The following RCSD1 variants were observed in gnomAD, a reference collection of about 807,000 sequenced individuals.
RCSD1 encodes the protein capZ-interacting protein.
RCSD1 carries 26 observed loss-of-function variants against 42.5 expected under a neutral mutation model. The ratio of observed to expected loss-of-function variants is 0.61; its 90% CI spans 0.45 to 0.85. The LOEUF (loss-of-function observed/expected upper bound fraction) is 0.85. Ranked by LOEUF, RCSD1 falls within the 40% of genes least tolerant of loss-of-function variation. The probability of loss-of-function intolerance (pLI) is 0.00; values close to 1 mark genes in which losing one functional copy is unlikely to be tolerated. For synonymous variants in RCSD1, 220 were observed against 212.2 expected, an observed-to-expected ratio of 1.04 and a Z score of -0.32; for missense variants, 571 against 528.3, an observed-to-expected ratio of 1.08 and a Z score of -0.79.
chr1:167,655,114 G>A (rs59055287), intron 1 of RCSD1, among the ~76,000 whole-genome samples: 1 of 152,096 alleles, frequency 6.6e-6, no homozygotes, highest in Non-Finnish European at 1.5e-5. Flanking sequence ...CACCTCTCCC[G>A]AAGGAAATGA....
Position 167,695,538 on chromosome 1 carries a change from A to ATTTTTTT in RCSD1, c.474+1248_474+1254dup, listed in dbSNP as rs34867466. ...TTACAAAAATTTATTTTACACACTA[A>ATTTTTTT]TTTTTTTTTTTTTTTTTTGAGGCAA... is the stretch of plus-strand genomic sequence containing the variant. On this transcript the variant is annotated intron_variant, in intron 5 of 6. Coordinates refer to ENST00000367854, the MANE Select transcript of RCSD1 (RefSeq NM_052862.4). Among the ~76,000 whole-genome samples the ATTTTTTT allele has an allele frequency of 6.4e-4, 90 of 141,072 alleles. 1 individual carries two copies. In the Middle Eastern group the frequency reaches 0.011, roughly 17 times the overall value. 92.5% of individuals were successfully genotyped at this position (141,072 alleles called of 152,430 possible).
At chr1:167,686,931 G>A (rs960863370) in intron 3 of RCSD1, among the ~76,000 whole-genome samples, 2 of 152,196 alleles carry the variant, frequency 1.3e-5, no homozygotes, top group African/African-American at 4.8e-5. Context: ...TGAAATTGAG[G>A]ACAAAATCAC....
At chr1:167,688,210 T>C (rs1012472224) in intron 3 of RCSD1, among the ~76,000 whole-genome samples, 4 of 152,206 alleles carry the variant, frequency 2.6e-5, no homozygotes, top group Non-Finnish European at 5.9e-5. Flanking sequence ...CCCAGTACTA[T>C]ACTGTGTTTA....
rs996841073 is a variant in RCSD1, at chr1:167,697,172, A to C, written c.548A>C (p.Glu183Ala). 14 of 1,613,934 alleles carry C rather than the reference A, an allele frequency of 8.7e-6. No homozygotes were observed. Among genetic ancestry groups the C allele is most frequent in the East Asian group, 2.2e-5 (1 of 44,874 alleles). Residue 183 changes from glutamate to alanine, a missense_variant, in exon 6 of 7, where the codon GAA (glutamate) becomes GCA (alanine). Glu to Ala is a moderately radical substitution (Grantham distance 107). Coordinates refer to ENST00000367854, the MANE Select transcript of RCSD1 (RefSeq NM_052862.4). ...CGAAGGTCACAGTCAGACTGTGGAG[A>C]ACTTGGAGATTTCAGGGCGGTGGAG... is the stretch of plus-strand genomic sequence containing the variant. ...RFRRSQSDCG[E>A]LGDFRAVESS...
At chr1:167,644,113 T>C (rs943621399) in intron 1 of RCSD1, among the ~76,000 whole-genome samples, 1 of 152,092 alleles carries the variant, frequency 6.6e-6, no homozygotes, top group Admixed American at 6.5e-5. Flanking sequence ...GGGCATAGAA[T>C]AGCAAATCCA....
Position 167,708,187 on chromosome 1 carries a change from G to A in RCSD1, c.*3491G>A, listed in dbSNP as rs565734180. Among the ~76,000 whole-genome samples the A allele has an allele frequency of 3.7e-4, 56 of 152,308 alleles. No homozygotes were observed. In the East Asian group the frequency reaches 5.2e-3, roughly 14 times the overall value. ...TGCCCTCTCCTGGAGCTAGGAGCTAGGTGAGTCAATCCTGCACTTTCTCTA... is the reference window on the plus strand; with the variant it reads ...TGCCCTCTCCTGGAGCTAGGAGCTAAGTGAGTCAATCCTGCACTTTCTCTA... On this transcript the variant is annotated 3_prime_UTR_variant, in exon 7 of 7. Coordinates refer to ENST00000367854, the MANE Select transcript of RCSD1 (RefSeq NM_052862.4).
At chr1:167,682,131 G>A (rs73033851) in intron 1 of RCSD1, among the ~76,000 whole-genome samples, 2,471 of 151,784 alleles carry the variant, frequency 0.016, 64 homozygotes, top group African/African-American at 0.055. Context: ...AGATCGGAAA[G>A]TCCATGGCCC....
chr1:167,660,048 A>G (rs780018335), intron 1 of RCSD1, among the ~76,000 whole-genome samples: 3 of 152,330 alleles, frequency 2.0e-5, no homozygotes, highest in African/African-American at 2.4e-5. Flanking sequence ...ACTCCTCGTC[A>G]TATTTACCCC....
chr1:167,652,864 T>C (rs1658345880), intron 1 of RCSD1, among the ~76,000 whole-genome samples: 1 of 152,232 alleles, frequency 6.6e-6, no homozygotes, highest in Admixed American at 6.5e-5. Flanking sequence ...CAAAATTCAG[T>C]ATTTAGATGG....
At chr1:167,672,823 A>G (rs1291450301) in intron 1 of RCSD1, among the ~76,000 whole-genome samples, 1 of 152,198 alleles carries the variant, frequency 6.6e-6, no homozygotes, top group Non-Finnish European at 1.5e-5. Flanking sequence ...CATACTTTAC[A>G]TACTTGCTTA....
At chr1:167,640,885 A>G (rs1657987957) in intron 1 of RCSD1, among the ~76,000 whole-genome samples, 1 of 151,960 alleles carries the variant, frequency 6.6e-6, no homozygotes, top group African/African-American at 2.4e-5. Context: ...GTCACCATTC[A>G]CCCCACTATC....
intron 1 of RCSD1, among the ~76,000 whole-genome samples, chr1:167,656,301 T>C (rs1472120847): frequency 6.6e-6 from 1 of 152,200 alleles, no homozygotes; most frequent in African/African-American, 2.4e-5. Context: ...ATGATACCTT[T>C]GATATTATTT....
intron 1 of RCSD1, among the ~76,000 whole-genome samples, chr1:167,675,808 GCT>G (rs1658937880): frequency 6.6e-6 from 1 of 152,154 alleles, no homozygotes; most frequent in African/African-American, 2.4e-5. Context: ...CACCAAAATC[GCT>G]GAGTCCAGAT....
chr1:167,655,069 A>C (rs1444863006), intron 1 of RCSD1, among the ~76,000 whole-genome samples: 2 of 152,098 alleles, frequency 1.3e-5, no homozygotes, highest in African/African-American at 2.4e-5. Flanking sequence ...GGAAGAGTAC[A>C]AGGGCCTCTT....
chr1:167,687,708 C>A (rs995031530), intron 3 of RCSD1, among the ~76,000 whole-genome samples: 1 of 152,196 alleles, frequency 6.6e-6, no homozygotes, highest in African/African-American at 2.4e-5. Flanking sequence ...GGCTACCCCT[C>A]GGTTCCCAAT....
chr1:167,691,832 G>A (rs763371139), intron 4 of RCSD1, among the ~76,000 whole-genome samples: 9 of 152,186 alleles, frequency 5.9e-5, no homozygotes, highest in Non-Finnish European at 1.2e-4. Context: ...CAGGAATAGG[G>A]TGGTGCTACC....
chr1:167,679,921 A>G (rs2102228595), intron 1 of RCSD1, among the ~76,000 whole-genome samples: 1 of 152,254 alleles, frequency 6.6e-6, no homozygotes, highest in Admixed American at 6.5e-5. Flanking sequence ...GCAACAGCGG[A>G]GGGGAAGTTC....
chr1:167,668,432 C>G (rs909680758), intron 1 of RCSD1, among the ~76,000 whole-genome samples: 3 of 152,130 alleles, frequency 2.0e-5, no homozygotes, highest in Non-Finnish European at 4.4e-5. Context: ...CCCTCCTTAC[C>G]CCTCAAACCT....
intron 3 of RCSD1, among the ~76,000 whole-genome samples, chr1:167,686,551 C>A (rs1249394075): frequency 2.6e-5 from 4 of 152,196 alleles, no homozygotes; most frequent in South Asian, 2.1e-4. Flanking sequence ...GGAGGGGAGG[C>A]CTGGAGCCCC....
Sources: gnomAD v4.1 joint callset for allele counts (sites outside exome capture counted in the v4.1 genomes callset) on GRCh38, gnomAD v4.1.1 for gene constraint, MANE v1.5 for transcripts, NCBI Gene and HGNC (gene_info 2026-07-23, HGNC 2026-07-21) for gene names.